MAPKBP1: variants seen among roughly 807,000 people sequenced by gnomAD.
MAPKBP1 encodes the protein mitogen-activated protein kinase-binding protein 1.
MAPKBP1 carries 71 observed loss-of-function variants against 170.5 expected under a neutral mutation model. The observed-to-expected ratio is 0.42, with a 90% CI of 0.34 to 0.51. The LOEUF is 0.51. Ranked by LOEUF, MAPKBP1 falls within the 20% of genes least tolerant of loss-of-function variation. MAPKBP1 has a pLI of 0.06. For synonymous variants in MAPKBP1, 719 were observed against 757.9 expected, an observed-to-expected ratio of 0.95 and a Z score of 0.84; for missense variants, 1,598 against 1,933.0, an observed-to-expected ratio of 0.83 and a Z score of 3.25.
At chr15:41,824,347 A>C (rs2065052616) in intron 29 of MAPKBP1, 137 bp from the exon 30 acceptor site, 1 of 847,552 alleles carries the variant, frequency 1.2e-6, no homozygotes, top group South Asian at 1.8e-5. Flanking sequence ...TTGGAAGAGA[A>C]GCCAAGAGGA....
At position 41,817,988 on chromosome 15, in the gene MAPKBP1, A is replaced by C. The variant is rs1210406050; in HGVS notation, c.1905-21A>C. ...CCACCTTCACCGCCTCCTCATGAGAAAGAGACTATGTTTCTTACAGGATAT... is the reference window on the plus strand; with the variant it reads ...CCACCTTCACCGCCTCCTCATGAGACAGAGACTATGTTTCTTACAGGATAT... On this transcript the variant is annotated intron_variant, in intron 16 of 30. Transcript: ENST00000457542. This position sits in a 1 kb window ranked among gnomAD's most constrained non-coding sequence, Gnocchi z 4.2. 1 of 1,613,014 alleles carries C rather than the reference A, an allele frequency of 6.2e-7. No individual in the cohort carries two copies. The highest frequency in any genetic ancestry group is 8.5e-7 in the Non-Finnish European group (1 of 1,179,146).
chr15:41,805,924 A>G (rs1199326594), intron 3 of MAPKBP1, among the ~76,000 whole-genome samples: 1 of 152,120 alleles, frequency 6.6e-6, no homozygotes, highest in Admixed American at 6.5e-5. Flanking sequence ...CTTGAGCATC[A>G]AGGAGTCCTA....
intron 2 of MAPKBP1, among the ~76,000 whole-genome samples, chr15:41,784,441 G>A (rs1199276960): frequency 6.6e-6 from 1 of 152,016 alleles, no homozygotes; most frequent in African/African-American, 2.4e-5. Flanking sequence ...AGGAGTTCAA[G>A]ACTGGCCTGG....
In MAPKBP1 at chr15:41,824,552, G is replaced by A. The variant is rs561678673; in HGVS notation, c.4282G>A (p.Val1428Met). The change falls in exon 30 of 31, where the codon GTG (valine) becomes ATG (methionine). Residue 1428 changes from valine (V) to methionine (M), a missense_variant. Val to Met is a conservative substitution (Grantham distance 21). Coordinates refer to ENST00000457542, the MANE Select transcript of MAPKBP1 (RefSeq NM_014994.3). The part of the protein sequence containing the change: ...AELRGSVRQA[V>M]RLYHSVAGCK... ...GCTCCGCGGCAGCGTGCGCCAGGCA[G>A]TGCGGCTCTACCACTCGGTGGGTGT... is the stretch of plus-strand genomic sequence containing the variant. 2 of 1,599,426 alleles carry A rather than the reference G, an allele frequency of 1.3e-6. No individual in the cohort carries two copies. Among genetic ancestry groups the A allele is most frequent in the East Asian group, 2.2e-5 (1 of 44,458 alleles).
At position 41,827,267 on chromosome 15, in the gene MAPKBP1, T is replaced by G. The variant is rs1248241315; in HGVS notation, c.*1831T>G. The G allele has an allele frequency of 2.0e-5, 3 of 150,472 alleles. No individual in the cohort carries two copies. Among genetic ancestry groups the G allele is most frequent in the African/African-American group, 7.4e-5 (3 of 40,796 alleles). The allele number at this position is 150,472 out of a possible 1,614,324, so 9.3% of individuals were successfully genotyped here. On this transcript the variant is annotated 3_prime_UTR_variant, in exon 31 of 31. Transcript: ENST00000457542. ...GTGAGCCGAGATCGCGCCATTGCAC[T>G]CCAACCTAGGTGACAAAGCTACACG...
chr15:41,784,319 A>G (rs1439865844), intron 2 of MAPKBP1, among the ~76,000 whole-genome samples: 2 of 152,106 alleles, frequency 1.3e-5, no homozygotes. Flanking sequence ...TGACAAACCT[A>G]GAACTGGCTA....
At chr15:41,791,937 C>G (rs1481073476) in intron 2 of MAPKBP1, among the ~76,000 whole-genome samples, 1 of 151,852 alleles carries the variant, frequency 6.6e-6, no homozygotes, top group Non-Finnish European at 1.5e-5. Context: ...TGCCTGTAAT[C>G]CCAGCTACTT....
chr15:41,791,106 G>A (rs902347382), intron 2 of MAPKBP1, among the ~76,000 whole-genome samples: 8 of 152,138 alleles, frequency 5.3e-5, no homozygotes, highest in African/African-American at 1.9e-4. Flanking sequence ...TCTCTGACAT[G>A]CTTGTTTATA....
chr15:41,816,882 TG>T, intron 13 of MAPKBP1, 27 bp from the exon 14 acceptor site: 1 of 1,584,944 alleles, frequency 6.3e-7, no homozygotes, highest in Non-Finnish European at 8.6e-7. Flanking sequence ...AGGGCACTCA[TG>T]GGCTGATGGA....
At chr15:41,791,395 C>T (rs977938546) in intron 2 of MAPKBP1, among the ~76,000 whole-genome samples, 3 of 152,106 alleles carry the variant, frequency 2.0e-5, no homozygotes, top group African/African-American at 7.2e-5. Context: ...TTGCAGACTT[C>T]CTGTAGTGGT....
At position 41,827,671 on chromosome 15, in the gene MAPKBP1, A is replaced by G. The variant is rs1462041035; in HGVS notation, c.*2235A>G. 1 of 153,880 alleles carries G rather than the reference A, an allele frequency of 6.5e-6. No individual in the cohort carries two copies. The allele number at this position is 153,880 out of a possible 1,614,324, so 9.5% of individuals were successfully genotyped here. On this transcript the variant is annotated 3_prime_UTR_variant, in exon 31 of 31. Coordinates refer to ENST00000457542, the MANE Select transcript of MAPKBP1 (RefSeq NM_014994.3). ...TTCTGCATGTCTGAGGCCACCGGCA[A>G]CCGCCGCCCCACTCCAGATTTGCCC... is the stretch of plus-strand genomic sequence containing the variant.
In MAPKBP1 at chr15:41,808,665, G is replaced by A. The variant is rs150132674; in HGVS notation, c.207-2218G>A. On this transcript the variant is annotated intron_variant, in intron 3 of 30. Transcript: ENST00000457542. ...TTATTTTTGTATTTTTAGTAGAGAT[G>A]GGGTTTTACCATGTTGGCCAGCCTG... Among the ~76,000 whole-genome samples the A allele has an allele frequency of 4.7e-3, 718 of 151,488 alleles. 3 individuals carry two copies. The highest frequency in any genetic ancestry group is 0.017 in the African/African-American group (700 of 41,282).
At chr15:41,779,286 C>T (rs2064144615) in intron 2 of MAPKBP1, among the ~76,000 whole-genome samples, 1 of 152,216 alleles carries the variant, frequency 6.6e-6, no homozygotes, top group Non-Finnish European at 1.5e-5. Flanking sequence ...TCTCGGCTCA[C>T]TGCAAACTCT....
chr15:41,788,468 G>T (rs2064339250), intron 2 of MAPKBP1, among the ~76,000 whole-genome samples: 1 of 152,188 alleles, frequency 6.6e-6, no homozygotes. Context: ...CCATGTGAAT[G>T]ATGCAAATTA....
chr15:41,821,797 C>T (rs1349437894), intron 24 of MAPKBP1, 47 bp downstream of exon 24: 2 of 1,602,354 alleles, frequency 1.2e-6, no homozygotes, highest in Non-Finnish European at 1.7e-6. Flanking sequence ...TCTTCCCCTC[C>T]CTATGAGTGT....
At position 41,783,900 on chromosome 15, in the gene MAPKBP1, T is replaced by G. The variant is rs151267839; in HGVS notation, c.114+8511T>G. ...CGCGGGTGCCTGTAGCCCCAGCTAC[T>G]CAGGAGGCTGAGGCAGGAGAATGGC... On this transcript the variant is annotated intron_variant, in intron 2 of 30. Coordinates refer to ENST00000457542, the MANE Select transcript of MAPKBP1 (RefSeq NM_014994.3). Among the ~76,000 whole-genome samples, 142 of 152,184 alleles carry G rather than the reference T, an allele frequency of 9.3e-4. 1 individual carries two copies. The East Asian group carries it at 0.026, about 28-fold the overall frequency.
intron 3 of MAPKBP1, among the ~76,000 whole-genome samples, chr15:41,805,990 C>G (rs1237544648): frequency 6.6e-6 from 1 of 152,208 alleles, no homozygotes; most frequent in African/African-American, 2.4e-5. Flanking sequence ...CATTCACACT[C>G]TGCTACCCAG....
rs2065023407 is a variant in MAPKBP1, at chr15:41,822,813, TC to T, written c.3315-122del. 4 of 1,468,594 alleles carry T rather than the reference TC, an allele frequency of 2.7e-6. No homozygotes were observed. In the South Asian group the frequency reaches 5.0e-5, roughly 18 times the overall value. 91.0% of individuals were successfully genotyped at this position (1,468,594 alleles called of 1,614,324 possible). A position where few individuals can be genotyped will look rare whatever the true frequency, so the allele number is the denominator to read the frequency against. Reference sequence around the variant, plus strand: ...TCCCAGTTTTGGGCTAACTGGCCTTTCCCCAGCCCTATCTGGCTTTGTGCTT... The same window carrying T: ...TCCCAGTTTTGGGCTAACTGGCCTTTCCCAGCCCTATCTGGCTTTGTGCTT... On this transcript the variant is annotated intron_variant, in intron 27 of 30. Coordinates refer to ENST00000457542, the MANE Select transcript of MAPKBP1 (RefSeq NM_014994.3).
chr15:41,786,780 ATATATATATAT>A (rs2064304487), intron 2 of MAPKBP1, among the ~76,000 whole-genome samples: 3 of 65,676 alleles, frequency 4.6e-5, no homozygotes, highest in African/African-American at 1.1e-4. Flanking sequence ...AAAAAAAAAT[ATATATATATAT>A]ATATATATAT....
Sources: allele counts gnomAD v4.1 joint callset (sites outside exome capture counted in the v4.1 genomes callset), GRCh38; gene constraint gnomAD v4.1.1; non-coding constraint Gnocchi (gnomAD v3.1); transcripts MANE v1.5; gene names NCBI Gene and HGNC (gene_info 2026-07-23, HGNC 2026-07-21).